Variants in LCORL observed in about 807,000 individuals in gnomAD.
LCORL encodes ligand-dependent nuclear receptor corepressor-like protein.
LCORL carries 41 observed loss-of-function variants against 141.8 expected under a neutral mutation model. The ratio of observed to expected loss-of-function variants is 0.29; its 90% CI spans 0.23 to 0.38. LCORL has a LOEUF of 0.38. Among genes scored for constraint, LCORL ranks in the 10% least tolerant of loss-of-function variants. The pLI, the probability that LCORL is intolerant of heterozygous loss-of-function variation, is 1.00. For missense variants in LCORL, 1,759 were observed against 2,035.0 expected (o/e 0.86, Z 2.61); for synonymous variants, 618 against 694.1 (o/e 0.89, Z 1.72).
intron 4 of LCORL, among the ~76,000 whole-genome samples, chr4:17,949,142 G>GACT (rs1424106300): frequency 1.3e-5 from 2 of 151,954 alleles, no homozygotes; most frequent in African/African-American, 4.8e-5. Context: ...GACAACTCTA[G>GACT]AATCTTATGC....
At chr4:17,915,621 G>T (rs1434221040) in intron 4 of LCORL, among the ~76,000 whole-genome samples, 1 of 152,174 alleles carries the variant, frequency 6.6e-6, no homozygotes, top group African/African-American at 2.4e-5. Context: ...TAAGAAGGCT[G>T]CAGAGTAAGA....
intron 7 of LCORL, among the ~76,000 whole-genome samples, chr4:17,851,098 A>G (rs932063939): frequency 7.4e-6 from 1 of 135,560 alleles, no homozygotes; most frequent in African/African-American, 2.8e-5. Context: ...TGGACACAGG[A>G]AGGGGAACAT....
chr4:17,952,007 T>C (rs1373327261), intron 4 of LCORL, among the ~76,000 whole-genome samples: 1 of 152,230 alleles, frequency 6.6e-6, no homozygotes, highest in East Asian at 1.9e-4. Context: ...AAAATATCAT[T>C]AAAAAGCCTT....
intron 6 of LCORL, chr4:17,883,859 G>T: frequency 6.4e-7 from 1 of 1,550,464 alleles, no homozygotes; most frequent in Non-Finnish European, 8.7e-7. Context: ...GTATTCTAAA[G>T]TGCTGTGAGG....
intron 4 of LCORL, among the ~76,000 whole-genome samples, chr4:17,915,210 G>A (rs1733207105): frequency 1.3e-5 from 2 of 151,934 alleles, no homozygotes; most frequent in Admixed American, 6.6e-5. Context: ...GTCCCATGAG[G>A]TGGCTCATGT....
At chr4:17,973,315 G>C (rs1025332109) in intron 1 of LCORL, among the ~76,000 whole-genome samples, 11 of 151,612 alleles carry the variant, frequency 7.3e-5, no homozygotes, top group African/African-American at 2.4e-4. Flanking sequence ...GGGTCAATAG[G>C]GAGAAATCTT....
At chr4:17,943,241 A>C (rs1738266431) in intron 4 of LCORL, among the ~76,000 whole-genome samples, 1 of 152,126 alleles carries the variant, frequency 6.6e-6, no homozygotes, top group Non-Finnish European at 1.5e-5. Context: ...CCTCCTTGAG[A>C]CTAAACACTA....
At chr4:17,863,058 G>A (rs1308212123) in intron 7 of LCORL, among the ~76,000 whole-genome samples, 2 of 152,216 alleles carry the variant, frequency 1.3e-5, no homozygotes, top group East Asian at 3.8e-4. Context: ...GCTCACACCT[G>A]TAATCCCAGC....
chr4:17,975,402 GT>G (rs966643621), intron 1 of LCORL, among the ~76,000 whole-genome samples: 27 of 144,352 alleles, frequency 1.9e-4, no homozygotes, highest in African/African-American at 3.5e-4. Context: ...GAATTCTTTT[GT>G]TTTTTTTTTT....
rs545257634 is a variant in LCORL, at chr4:17,944,126, CTTG to C, written c.430+17774_430+17776del. ...CCACTGTATTTGTGAATGTCCTAGACTTGTTAAAGCAGAAGTCTGATTCCCTTG... is the reference window on the plus strand; with the variant it reads ...CCACTGTATTTGTGAATGTCCTAGACTTAAAGCAGAAGTCTGATTCCCTTG... On this transcript the variant is annotated intron_variant, in intron 4 of 7. Transcript: ENST00000635767. Among the ~76,000 whole-genome samples, 3 of 152,302 alleles carry C rather than the reference CTTG, an allele frequency of 2.0e-5. No individual in the cohort carries two copies. In the East Asian group the frequency reaches 5.8e-4, roughly 29 times the overall value.
chr4:17,874,071 G>A (rs959502582), exon 7 of LCORL: 3 of 1,233,382 alleles, frequency 2.4e-6, no homozygotes, highest in African/African-American at 1.6e-5. Context: ...TTCTCCCTCA[G>A]TCTTATTTAA....
chr4:17,901,716 A>G (rs1577369354), intron 5 of LCORL, among the ~76,000 whole-genome samples: 2 of 152,144 alleles, frequency 1.3e-5, no homozygotes, highest in Admixed American at 6.6e-5. Flanking sequence ...AGTAGAGTAT[A>G]TAACTTCAAA....
At chr4:17,946,688 T>C (rs1195149527) in intron 4 of LCORL, among the ~76,000 whole-genome samples, 3 of 151,936 alleles carry the variant, frequency 2.0e-5, no homozygotes, top group Non-Finnish European at 4.4e-5. Flanking sequence ...AGAGTCAAAA[T>C]TATCCTTAAA....
At position 17,884,124 on chromosome 4, in the gene LCORL, G is replaced by A. The variant is rs1386820480; in HGVS notation, c.776+1944C>T. On this transcript the variant is annotated intron_variant, in intron 6 of 7. Transcript: ENST00000635767. This position sits in a 1 kb window ranked among gnomAD's most constrained non-coding sequence, Gnocchi z 4.4. ...GAGTCAACACTTGAGTGAGTTACAG[G>A]CCCAGAACATTCTATTTTGTTCTGT... The A allele has an allele frequency of 1.3e-6, 2 of 1,550,610 alleles. No homozygotes were observed. The highest frequency in any genetic ancestry group is 1.7e-6 in the Non-Finnish European group (2 of 1,146,290).
At chr4:17,905,640 C>G (rs550321758) in intron 5 of LCORL, among the ~76,000 whole-genome samples, 1 of 151,966 alleles carries the variant, frequency 6.6e-6, no homozygotes, top group African/African-American at 2.4e-5. Flanking sequence ...AACTATTTGG[C>G]ATGGAGAATT....
intron 2 of LCORL, 49 bp from the exon 3 acceptor site, chr4:17,963,098 A>G: frequency 1.9e-6 from 2 of 1,035,698 alleles, no homozygotes; most frequent in Non-Finnish European, 2.9e-6. Flanking sequence ...TTATTAAAAC[A>G]AATAAAATTA....
rs1431310898 is a variant in LCORL at position 17,884,410 on chromosome 4, T to C, written c.776+1658A>G. 6.5e-7 allele frequency: 1 copy of C among 1,549,568 alleles called. No homozygotes were observed. Among genetic ancestry groups the C allele is most frequent in the Admixed American group, 2.0e-5 (1 of 50,578 alleles). ...GGTAAGTGGAAGCTGTTGGGAATTT[T>C]ATTTCTGAGGTTTCAAGTAGATTGA... On this transcript the variant is annotated intron_variant, in intron 6 of 7. Coordinates refer to ENST00000635767, the Ensembl canonical transcript of LCORL. The surrounding 1 kb of genome is among the most constrained non-coding windows in gnomAD (Gnocchi z 4.4).
chr4:17,848,020 G>A (rs1723137387), intron 7 of LCORL, among the ~76,000 whole-genome samples: 1 of 152,176 alleles, frequency 6.6e-6, no homozygotes, highest in African/African-American at 2.4e-5. Context: ...GTTTTCACCA[G>A]AGAAGAATAC....
At chr4:17,841,200 C>A (rs1039440033) in exon 8 of LCORL, 3 of 151,986 alleles carry the variant, frequency 2.0e-5, no homozygotes, top group East Asian at 1.9e-4. Context: ...AATTCAAGAT[C>A]TTTTTATTGT....
Sources: gnomAD v4.1 joint callset for allele counts (sites outside exome capture counted in the v4.1 genomes callset) on GRCh38, gnomAD v4.1.1 for gene constraint, Gnocchi (gnomAD v3.1) non-coding constraint, MANE v1.5 for transcripts, NCBI Gene and HGNC (gene_info 2026-07-23, HGNC 2026-07-21) for gene names.